The following MIPOL1 variants were observed in gnomAD, a reference collection of about 807,000 sequenced individuals.
MIPOL1 encodes mirror-image polydactyly gene 1 protein.
In MIPOL1, 57 loss-of-function variants were observed where a neutral mutation model predicts 60.9. The ratio of observed to expected loss-of-function variants is 0.94; its 90% confidence interval spans 0.76 to 1.17. The LOEUF (loss-of-function observed/expected upper bound fraction) is 1.17. Ranked by LOEUF, MIPOL1 falls within the 50% of genes most tolerant of loss-of-function variation. The pLI is 0.00. For synonymous variants in MIPOL1, 179 were observed against 168.8 expected (o/e 1.06, Z -0.47); for missense variants, 551 against 511.6 (o/e 1.08, Z -0.74).
At chr14:37,311,219 A>G (rs920955810) in intron 9 of MIPOL1, among the ~76,000 whole-genome samples, 1 of 152,180 alleles carries the variant, frequency 6.6e-6, no homozygotes, top group African/African-American at 2.4e-5. Context: ...TTTGCATTAA[A>G]TCTGGCTTTT....
At chr14:37,271,581 T>TG (rs1178581708) in intron 6 of MIPOL1, among the ~76,000 whole-genome samples, 1 of 151,908 alleles carries the variant, frequency 6.6e-6, no homozygotes, top group Non-Finnish European at 1.5e-5. Flanking sequence ...TCTGTTAATG[T>TG]TAAACTACCG....
At chr14:37,253,996 G>A (rs1231157455) in intron 3 of MIPOL1, among the ~76,000 whole-genome samples, 1 of 151,636 alleles carries the variant, frequency 6.6e-6, no homozygotes, top group Non-Finnish European at 1.5e-5. Context: ...TCTGAGATCT[G>A]ATTAAATTTA....
rs147011397 is a variant in MIPOL1 at position 37,427,077 on chromosome 14, G to T, written c.1031+4128G>T. 5.0e-3 allele frequency among the ~76,000 whole-genome samples: 757 copies of T among 152,148 alleles called. 5 individuals carry two copies. Among genetic ancestry groups the T allele is most frequent in the African/African-American group, 0.017 (714 of 41,522 alleles). On this transcript the variant is annotated intron_variant, in intron 11 of 12. Coordinates refer to ENST00000684589, the MANE Select transcript of MIPOL1 (RefSeq NM_001388067.1). Reference sequence around the variant, plus strand: ...CCCACTCCTAGGTATATACCCAAAAGAATTGAAAGTAAGGACAAGCAGTTA... The same window carrying T: ...CCCACTCCTAGGTATATACCCAAAATAATTGAAAGTAAGGACAAGCAGTTA...
Position 37,548,913 on chromosome 14 carries a change from A to C in MIPOL1, c.*1942A>C, listed in dbSNP as rs2095554873. ...TATAGAATATGATATTATAAAGTTA[A>C]ATTTGCAAAATAATTCTAACATCCA... On this transcript the variant is annotated 3_prime_UTR_variant, in exon 13 of 13. Coordinates refer to ENST00000684589, the MANE Select transcript of MIPOL1 (RefSeq NM_001388067.1). The C allele has an allele frequency of 6.6e-6, 1 of 152,002 alleles. No individual in the cohort carries two copies. Among genetic ancestry groups the C allele is most frequent in the East Asian group, 1.9e-4 (1 of 5,206 alleles). The allele number at this position is 152,002 out of a possible 1,614,324, so 9.4% of individuals were successfully genotyped here.
chr14:37,460,263 C>T (rs2094524932), intron 11 of MIPOL1, among the ~76,000 whole-genome samples: 1 of 151,984 alleles, frequency 6.6e-6, no homozygotes, highest in East Asian at 1.9e-4. Context: ...AAGACAAAAA[C>T]CTTATGATCA....
chr14:37,373,506 A>C (rs573082031), intron 10 of MIPOL1, among the ~76,000 whole-genome samples: 4 of 151,770 alleles, frequency 2.6e-5, no homozygotes, highest in Non-Finnish European at 5.9e-5. Context: ...CCATTAACCC[A>C]TCATCCACAT....
intron 12 of MIPOL1, among the ~76,000 whole-genome samples, chr14:37,518,906 G>A (rs2095391477): frequency 8.0e-6 from 1 of 125,516 alleles, no homozygotes. Context: ...AATTTGGGAT[G>A]TCTTGTGAAT....
chr14:37,467,390 A>G (rs1041438246), intron 11 of MIPOL1, among the ~76,000 whole-genome samples: 1 of 152,230 alleles, frequency 6.6e-6, no homozygotes, highest in African/African-American at 2.4e-5. Flanking sequence ...ACACTTCTCT[A>G]TAATTACTGT....
chr14:37,474,963 A>G (rs1372812583), intron 11 of MIPOL1, among the ~76,000 whole-genome samples: 2 of 150,952 alleles, frequency 1.3e-5, no homozygotes, highest in Admixed American at 1.3e-4. Context: ...ATTTATTTTT[A>G]TTTTTATTTT....
In MIPOL1 at chr14:37,346,875, T is replaced by A. The variant is rs1364515331; in HGVS notation, c.829-22642T>A. On this transcript the variant is annotated intron_variant, in intron 9 of 12. Coordinates refer to ENST00000684589, the MANE Select transcript of MIPOL1 (RefSeq NM_001388067.1). ...TTCAGAGAAGTGATAATGAAGCTTG[T>A]CTCTGGCCAAGACATAGCAAAGGGG... 2.0e-5 allele frequency among the ~76,000 whole-genome samples: 3 copies of A among 152,202 alleles called. 1 individual carries two copies. Among genetic ancestry groups the A allele is most frequent in the Admixed American group, 1.3e-4 (2 of 15,276 alleles).
chr14:37,488,149 A>G (rs1245694776), intron 11 of MIPOL1, among the ~76,000 whole-genome samples: 1 of 151,108 alleles, frequency 6.6e-6, no homozygotes, highest in Non-Finnish European at 1.5e-5. Flanking sequence ...AGTTTTCTTA[A>G]TCCTGAGTTC....
chr14:37,206,646 T>C (rs563998499), intron 1 of MIPOL1, among the ~76,000 whole-genome samples: 14 of 152,272 alleles, frequency 9.2e-5, no homozygotes, highest in African/African-American at 2.4e-4. Context: ...CACTCAACAC[T>C]GATACGTGAA....
intron 11 of MIPOL1, among the ~76,000 whole-genome samples, chr14:37,459,605 T>A (rs2094516538): frequency 6.6e-6 from 1 of 152,154 alleles, no homozygotes. Flanking sequence ...GAAGAGCTGG[T>A]ACCAATCTTC....
intron 1 of MIPOL1, among the ~76,000 whole-genome samples, chr14:37,235,411 C>A (rs1010325241): frequency 5.9e-5 from 9 of 152,088 alleles, no homozygotes; most frequent in African/African-American, 2.2e-4. Flanking sequence ...GTTAGGGAAT[C>A]CTTGACATAC....
intron 9 of MIPOL1, among the ~76,000 whole-genome samples, chr14:37,364,941 G>T (rs1040537241): frequency 6.6e-6 from 1 of 151,730 alleles, no homozygotes; most frequent in Non-Finnish European, 1.5e-5. Context: ...TTAATCTCTT[G>T]GTATTTAATT....
intron 10 of MIPOL1, among the ~76,000 whole-genome samples, chr14:37,373,355 C>T (rs531844193): frequency 6.6e-6 from 1 of 152,054 alleles, no homozygotes; most frequent in South Asian, 2.1e-4. Flanking sequence ...AATATGTAGA[C>T]ATCAAACTTA....
In MIPOL1 at chr14:37,550,806, G is replaced by C. The variant is rs1328609209; in HGVS notation, c.*3835G>C. On this transcript the variant is annotated 3_prime_UTR_variant, in exon 13 of 13. Transcript: ENST00000684589. The stretch of plus-strand genomic sequence containing the variant: ...TAAACCAGCAGCATACGTTCCAGAA[G>C]AGCATCTCAAGTTACCAAATTTTTT... 2.6e-5 allele frequency: 4 copies of C among 152,518 alleles called. No individual in the cohort carries two copies. Among genetic ancestry groups the C allele is most frequent in the African/African-American group, 9.6e-5 (4 of 41,452 alleles). 9.4% of individuals were successfully genotyped at this position (152,518 alleles called of 1,614,324 possible). A position where few individuals can be genotyped will look rare whatever the true frequency, so the allele number is the denominator to read the frequency against.
chr14:37,216,847 T>G (rs1967804421), intron 1 of MIPOL1, among the ~76,000 whole-genome samples: 1 of 152,022 alleles, frequency 6.6e-6, no homozygotes, highest in African/African-American at 2.4e-5. Context: ...ATACTTCAAA[T>G]GAACAATCTA....
At chr14:37,316,872 G>C (rs1247741775) in intron 9 of MIPOL1, among the ~76,000 whole-genome samples, 1 of 151,992 alleles carries the variant, frequency 6.6e-6, no homozygotes, top group African/African-American at 2.4e-5. Context: ...CAGCTACTTG[G>C]GAGGCTGAGG....
Sources: allele counts gnomAD v4.1 joint callset (sites outside exome capture counted in the v4.1 genomes callset), GRCh38; gene constraint gnomAD v4.1.1; transcripts MANE v1.5; gene names NCBI Gene and HGNC (gene_info 2026-07-23, HGNC 2026-07-21).